DISC1: variants seen among roughly 807,000 people sequenced by gnomAD.
DISC1 encodes DISC1 scaffold protein, also known as disrupted in schizophrenia 1 protein.
DISC1 carries 57 observed loss-of-function variants against 84.5 expected under a neutral mutation model. The observed-to-expected ratio is 0.67, with a 90% CI of 0.55 to 0.84. The LOEUF (loss-of-function observed/expected upper bound fraction) is 0.84, where lower values mean the gene tolerates loss of function less well. Ranked by LOEUF, DISC1 falls within the 40% of genes least tolerant of loss-of-function variation. The pLI, the probability that DISC1 is intolerant of heterozygous loss-of-function variation, is 0.00. For missense variants in DISC1, 1,000 were observed against 1,057.8 expected, an observed-to-expected ratio of 0.95 and a Z score of 0.76; for synonymous variants, 411 against 415.2, an observed-to-expected ratio of 0.99 and a Z score of 0.12.
intron 9 of DISC1, among the ~76,000 whole-genome samples, chr1:231,908,994 T>C (rs1396996455): frequency 6.6e-6 from 1 of 152,236 alleles, no homozygotes; most frequent in Non-Finnish European, 1.5e-5. Context: ...TGTATGGGAA[T>C]GCTTGTGATT....
At position 231,778,893 on chromosome 1, in the gene DISC1, G is replaced by C. The variant is rs112077029; in HGVS notation, c.1634+7823G>C. On this transcript the variant is annotated intron_variant, in intron 6 of 12. Coordinates refer to ENST00000439617, the MANE Select transcript of DISC1 (RefSeq NM_018662.3). Reference sequence around the variant, plus strand: ...ACCCCAGAGACTCCATACAAACTGAGTTCCCAGCCCCAGTGGGCCGGGAGG... The same window carrying C: ...ACCCCAGAGACTCCATACAAACTGACTTCCCAGCCCCAGTGGGCCGGGAGG... Among the ~76,000 whole-genome samples, 6 of 152,252 alleles carry C rather than the reference G, an allele frequency of 3.9e-5. No homozygotes were observed. The South Asian group carries it at 1.2e-3, about 32-fold the overall frequency.
chr1:231,817,158 C>T (rs1240024875), intron 8 of DISC1, among the ~76,000 whole-genome samples: 2 of 152,160 alleles, frequency 1.3e-5, no homozygotes, highest in Non-Finnish European at 2.9e-5. Flanking sequence ...GATCTCAGCT[C>T]GCTGCAACCT....
At chr1:231,768,400 G>C (rs2076314667) in intron 5 of DISC1, among the ~76,000 whole-genome samples, 1 of 152,084 alleles carries the variant, frequency 6.6e-6, no homozygotes, top group African/African-American at 2.4e-5. Context: ...AAAAAGTCAG[G>C]GCAATTTATT....
chr1:231,900,946 G>T (rs1055751048), intron 9 of DISC1, among the ~76,000 whole-genome samples: 1 of 152,130 alleles, frequency 6.6e-6, no homozygotes, highest in Non-Finnish European at 1.5e-5. Flanking sequence ...CACCTTTCTA[G>T]TCTGCCATGG....
intron 10 of DISC1, among the ~76,000 whole-genome samples, chr1:231,967,743 A>T (rs1233908289): frequency 6.6e-6 from 1 of 152,246 alleles, no homozygotes; most frequent in Non-Finnish European, 1.5e-5. Context: ...TACAAAGTTA[A>T]GTGAAATCAT....
chr1:231,678,671 CTCTT>C (rs2063390125), intron 1 of DISC1, among the ~76,000 whole-genome samples: 2 of 151,198 alleles, frequency 1.3e-5, no homozygotes, highest in African/African-American at 4.9e-5. Context: ...CTCTCTCTCT[CTCTT>C]TTTTTTCCTT....
intron 1 of DISC1, among the ~76,000 whole-genome samples, chr1:231,634,182 CCTGTACCTGTCATCTCTTGGTTTGTGAG>C (rs2058995509): frequency 6.6e-6 from 1 of 152,130 alleles, no homozygotes; most frequent in Admixed American, 6.5e-5. Flanking sequence ...CCGCGCCTGG[CCTGTACCTGTCATCTCTTGGTTTGTGAG>C]TGGATTGATT....
At chr1:231,784,588 G>C (rs953645071) in intron 6 of DISC1, among the ~76,000 whole-genome samples, 1 of 152,132 alleles carries the variant, frequency 6.6e-6, no homozygotes, top group Non-Finnish European at 1.5e-5. Context: ...ATTTTGGTCA[G>C]ATTACTCTAA....
At chr1:231,894,695 C>G (rs1203656195) in intron 9 of DISC1, among the ~76,000 whole-genome samples, 2 of 151,444 alleles carry the variant, frequency 1.3e-5, no homozygotes, top group Non-Finnish European at 2.9e-5. Context: ...TTTTACATAT[C>G]AATCAGTATC....
rs983161993 is a variant in DISC1 at position 231,698,976 on chromosome 1, A to G, written c.1048-2979A>G. On this transcript the variant is annotated intron_variant, in intron 2 of 12. Transcript: ENST00000439617. The surrounding 1 kb of genome is among the most constrained non-coding windows in gnomAD (Gnocchi z 4.9). The stretch of plus-strand genomic sequence containing the variant: ...TATCCTAGGCTTTGGAGATTGTATT[A>G]GGACAGGCTAGTAACAGGCACTACG... Among the ~76,000 whole-genome samples, 1 of 152,232 alleles carries G rather than the reference A, an allele frequency of 6.6e-6. No homozygotes were observed. The highest frequency in any genetic ancestry group is 2.4e-5 in the African/African-American group (1 of 41,460).
intron 1 of DISC1, among the ~76,000 whole-genome samples, chr1:231,656,606 G>T (rs1003534923): frequency 6.6e-6 from 1 of 151,920 alleles, no homozygotes; most frequent in South Asian, 2.1e-4. Context: ...AGGATTGTTC[G>T]TTCTTTCTTT....
At chr1:231,946,210 C>G (rs1657165525) in intron 9 of DISC1, among the ~76,000 whole-genome samples, 1 of 152,170 alleles carries the variant, frequency 6.6e-6, no homozygotes, top group East Asian at 1.9e-4. Flanking sequence ...TGAAAATCCT[C>G]AATAAAATAC....
chr1:231,880,522 C>T (rs934810395), intron 9 of DISC1, among the ~76,000 whole-genome samples: 1 of 152,082 alleles, frequency 6.6e-6, no homozygotes, highest in Non-Finnish European at 1.5e-5. Context: ...GTTAAAGCTT[C>T]TTAGGCATGT....
intron 6 of DISC1, among the ~76,000 whole-genome samples, chr1:231,774,217 G>A (rs2076780959): frequency 6.6e-6 from 1 of 152,010 alleles, no homozygotes; most frequent in Non-Finnish European, 1.5e-5. Context: ...TTGTGCCACT[G>A]CAGTCCAGCC....
At chr1:231,797,722 C>T (rs2078870491) in intron 7 of DISC1, among the ~76,000 whole-genome samples, 1 of 152,122 alleles carries the variant, frequency 6.6e-6, no homozygotes, top group Non-Finnish European at 1.5e-5. Flanking sequence ...TTGCACATAC[C>T]TTCTCTAATA....
chr1:231,762,295 T>G (rs1173524368), intron 4 of DISC1, among the ~76,000 whole-genome samples: 4 of 149,232 alleles, frequency 2.7e-5, no homozygotes, highest in Non-Finnish European at 5.9e-5. Context: ...TTCTTTTCCC[T>G]TCCCTTGCCT....
intron 1 of DISC1, among the ~76,000 whole-genome samples, chr1:231,686,882 C>T (rs956849472): frequency 2.0e-5 from 3 of 152,100 alleles, no homozygotes; most frequent in African/African-American, 7.2e-5. Context: ...CGCCAGATAC[C>T]CTAAATCATC....
chr1:231,922,892 G>A (rs552581295), intron 9 of DISC1, among the ~76,000 whole-genome samples: 158 of 152,192 alleles, frequency 1.0e-3, no homozygotes, highest in African/African-American at 3.5e-3. Context: ...GTGGCACTGA[G>A]AACTAAAGCC....
At chr1:231,887,504 A>G (rs1363480643) in intron 9 of DISC1, among the ~76,000 whole-genome samples, 1 of 152,220 alleles carries the variant, frequency 6.6e-6, no homozygotes, top group Non-Finnish European at 1.5e-5. Flanking sequence ...TTCCTTTTGT[A>G]GAATATCTGA....
Sources: gnomAD v4.1 joint callset for allele counts (sites outside exome capture counted in the v4.1 genomes callset) on GRCh38, gnomAD v4.1.1 for gene constraint, Gnocchi (gnomAD v3.1) non-coding constraint, MANE v1.5 for transcripts, NCBI Gene and HGNC (gene_info 2026-07-23, HGNC 2026-07-21) for gene names.